WAC: variants seen among roughly 807,000 people sequenced by gnomAD.
WAC encodes WW domain containing adaptor with coiled-coil.
A neutral mutation model predicts 79.6 loss-of-function variants in WAC; 11 were observed. The observed-to-expected ratio is 0.14, with a 90% CI of 0.09 to 0.23. WAC has a LOEUF of 0.23. Among genes scored for constraint, WAC ranks in the 10% least tolerant of loss-of-function variants. The probability of loss-of-function intolerance (pLI) is 1.00; values close to 1 mark genes in which losing one functional copy is unlikely to be tolerated. For synonymous variants in WAC, 304 were observed against 276.9 expected, an observed-to-expected ratio of 1.10 and a Z score of -0.97; for missense variants, 728 against 773.5, an observed-to-expected ratio of 0.94 and a Z score of 0.70.
intron 3 of WAC, among the ~76,000 whole-genome samples, chr10:28,542,411 G>C (rs1485846459): frequency 1.3e-5 from 2 of 152,210 alleles, no homozygotes; most frequent in East Asian, 3.8e-4. Flanking sequence ...GGGGAAAATG[G>C]AGTTAGGAGC....
At chr10:28,581,133 T>C (rs1251340439) in intron 3 of WAC, among the ~76,000 whole-genome samples, 1 of 151,832 alleles carries the variant, frequency 6.6e-6, no homozygotes, top group Admixed American at 6.6e-5. Flanking sequence ...GTTATATAGG[T>C]ACTCTTTGCC....
Position 28,616,344 on chromosome 10 carries a change from A to G in WAC, c.1728A>G (p.Ala576=). The change falls in exon 12 of 14, where the codon GCA becomes GCG. Residue 576 remains alanine, a synonymous_variant. Transcript: ENST00000354911. The stretch of plus-strand genomic sequence containing the variant: ...TAAAACACGTTCAAGGATGGCCTGC[A>G]GATCATGCAGAGAAGCAGGTATGTT... ...NLIKHVQGWP[A]DHAEKQASRL... is the part of the protein sequence containing the mutation. 1 of 1,610,702 alleles carries G rather than the reference A, an allele frequency of 6.2e-7. No homozygotes were observed. The highest frequency in any genetic ancestry group is 8.5e-7 in the Non-Finnish European group (1 of 1,177,876).
At chr10:28,572,181 A>G (rs1334525996) in intron 3 of WAC, among the ~76,000 whole-genome samples, 1 of 151,604 alleles carries the variant, frequency 6.6e-6, no homozygotes, top group Non-Finnish European at 1.5e-5. Context: ...TACTAAAAGT[A>G]CAAAAATTAG....
At chr10:28,597,501 C>T (rs1187883492) in intron 7 of WAC, among the ~76,000 whole-genome samples, 1 of 152,106 alleles carries the variant, frequency 6.6e-6, no homozygotes, top group Admixed American at 6.5e-5. Flanking sequence ...TGTGATACTA[C>T]ACTCCTTCAG....
intron 7 of WAC, among the ~76,000 whole-genome samples, chr10:28,601,745 C>G (rs1233276092): frequency 6.6e-6 from 1 of 152,104 alleles, no homozygotes; most frequent in Non-Finnish European, 1.5e-5. Flanking sequence ...CTGATACATG[C>G]TACAACATGG....
chr10:28,622,604 TC>T lies in WAC; in HGVS notation c.*3000del, dbSNP rs1841733280. On this transcript the variant is annotated 3_prime_UTR_variant, in exon 14 of 14. Transcript: ENST00000354911. ...AACCTGATTTTAAAATGACTGCAAT[TC>T]CAGACTAAAAACATGCTTCAGCCCT... 6.6e-6 allele frequency: 1 copy of T among 152,098 alleles called. No individual in the cohort carries two copies. Among genetic ancestry groups the T allele is most frequent in the Non-Finnish European group, 1.5e-5 (1 of 68,028 alleles). 9.4% of individuals were successfully genotyped at this position (152,098 alleles called of 1,614,324 possible). A position where few individuals can be genotyped will look rare whatever the true frequency, so the allele number is the denominator to read the frequency against.
chr10:28,572,432 G>A (rs779451168), intron 3 of WAC, among the ~76,000 whole-genome samples: 1 of 151,916 alleles, frequency 6.6e-6, no homozygotes. Flanking sequence ...CTGAGGATGT[G>A]ACATTTAAGC....
rs1278797336 is a variant in WAC, at chr10:28,620,947, G to C, written c.*1341G>C. The C allele has an allele frequency of 6.6e-6, 1 of 151,980 alleles. No homozygotes were observed. Among genetic ancestry groups the C allele is most frequent in the African/African-American group, 2.4e-5 (1 of 41,390 alleles). The allele number at this position is 151,980 out of a possible 1,614,324, so 9.4% of individuals were successfully genotyped here. On this transcript the variant is annotated 3_prime_UTR_variant, in exon 14 of 14. Coordinates refer to ENST00000354911, the MANE Select transcript of WAC (RefSeq NM_016628.5). ...GCAGGAAAGCGCAGCTTTGTATATT[G>C]TTTCCTAAAGTATATTAAAATAAAA...
intron 7 of WAC, among the ~76,000 whole-genome samples, chr10:28,602,290 C>A (rs1840682069): frequency 6.6e-6 from 1 of 152,146 alleles, no homozygotes; most frequent in Non-Finnish European, 1.5e-5. Flanking sequence ...TTGAATAAAA[C>A]AAGTTAAAGA....
intron 7 of WAC, among the ~76,000 whole-genome samples, chr10:28,607,153 A>G: frequency 6.6e-6 from 1 of 152,280 alleles, no homozygotes; most frequent in Non-Finnish European, 1.5e-5. Context: ...TCTGATTACC[A>G]CTACTTTGAA....
intron 3 of WAC, among the ~76,000 whole-genome samples, chr10:28,561,300 A>C (rs760836435): frequency 6.6e-6 from 1 of 152,230 alleles, no homozygotes; most frequent in Non-Finnish European, 1.5e-5. Flanking sequence ...CCACTCAATT[A>C]CACATAAAGG....
intron 3 of WAC, among the ~76,000 whole-genome samples, chr10:28,557,789 TA>T (rs1292691224): frequency 6.6e-6 from 1 of 152,140 alleles, no homozygotes; most frequent in African/African-American, 2.4e-5. Flanking sequence ...AAAATACTCT[TA>T]GGGGTCAGGC....
chr10:28,563,975 A>G (rs942669862), intron 3 of WAC, among the ~76,000 whole-genome samples: 13 of 151,920 alleles, frequency 8.6e-5, no homozygotes, highest in African/African-American at 2.9e-4. Flanking sequence ...ACACCATCCA[A>G]TCTGAAAGTA....
At chr10:28,579,704 A>G (rs1466054411) in intron 3 of WAC, among the ~76,000 whole-genome samples, 1 of 152,196 alleles carries the variant, frequency 6.6e-6, no homozygotes, top group Non-Finnish European at 1.5e-5. Flanking sequence ...TTGTTCTTCT[A>G]CTTGTGTATT....
intron 3 of WAC, among the ~76,000 whole-genome samples, 178 bp from the exon 4 acceptor site, chr10:28,583,221 T>C (rs1839630524): frequency 6.6e-6 from 1 of 152,050 alleles, no homozygotes; most frequent in African/African-American, 2.4e-5. Context: ...GCCACATCTT[T>C]AGTAGGTTCA....
At chr10:28,585,260 G>GT (rs1839757896) in intron 4 of WAC, among the ~76,000 whole-genome samples, 1 of 152,120 alleles carries the variant, frequency 6.6e-6, no homozygotes, top group Non-Finnish European at 1.5e-5. Flanking sequence ...CACAGAGCTG[G>GT]TAGTAATACC....
intron 7 of WAC, among the ~76,000 whole-genome samples, chr10:28,600,870 A>G (rs1464470668): frequency 1.3e-5 from 2 of 152,144 alleles, no homozygotes; most frequent in African/African-American, 4.8e-5. Context: ...GAAAAAGACA[A>G]TCCAATAGAA....
intron 3 of WAC, among the ~76,000 whole-genome samples, chr10:28,550,748 T>C (rs976244448): frequency 1.3e-5 from 2 of 152,212 alleles, no homozygotes; most frequent in African/African-American, 2.4e-5. Flanking sequence ...TCTTGTATTA[T>C]TTGTGGAGGA....
chr10:28,584,723 G>A (rs1353514717), intron 4 of WAC, among the ~76,000 whole-genome samples: 1 of 152,126 alleles, frequency 6.6e-6, no homozygotes, highest in East Asian at 1.9e-4. Context: ...AGTGTGGATA[G>A]TACATTTCCA....
Sources: allele counts gnomAD v4.1 joint callset (sites outside exome capture counted in the v4.1 genomes callset), GRCh38; gene constraint gnomAD v4.1.1; transcripts MANE v1.5; gene names NCBI Gene and HGNC (gene_info 2026-07-23, HGNC 2026-07-21).